The following TOR1AIP2 variants were observed in gnomAD, a reference collection of about 807,000 sequenced individuals.
The protein encoded by TOR1AIP2 is torsin 1A interacting protein 2.
TOR1AIP2 carries 20 observed loss-of-function variants against 32.6 expected under a neutral mutation model. That is an observed-to-expected ratio of 0.61 (90% CI 0.43 to 0.89). The LOEUF is 0.89. Ranked by LOEUF, TOR1AIP2 falls within the 40% of genes least tolerant of loss-of-function variation. TOR1AIP2 has a pLI of 0.00. For missense variants in TOR1AIP2, 456 were observed against 553.8 expected (o/e 0.82, Z 1.77); for synonymous variants, 214 against 210.8 (o/e 1.02, Z -0.13).
intron 3 of TOR1AIP2, chr1:179,865,154 C>A: frequency 1.2e-6 from 2 of 1,607,840 alleles, no homozygotes; most frequent in South Asian, 1.1e-5. Flanking sequence ...ACAATCAGGG[C>A]AATGTGAATT....
chr1:179,874,862 A>T (rs547756035), intron 2 of TOR1AIP2: 1 of 152,258 alleles, frequency 6.6e-6, no homozygotes, highest in South Asian at 2.1e-4. Flanking sequence ...AATATGACCT[A>T]ACATCCATAA....
intron 3 of TOR1AIP2, chr1:179,859,104 T>C (rs1696414792): frequency 1.0e-6 from 1 of 985,140 alleles, no homozygotes; most frequent in South Asian, 4.7e-5. Context: ...GCTCTAGGGA[T>C]AAAAAGAAAC....
At chr1:179,872,768 G>A (rs1384182627) in intron 2 of TOR1AIP2, among the ~76,000 whole-genome samples, 3 of 152,140 alleles carry the variant, frequency 2.0e-5, no homozygotes, top group Non-Finnish European at 2.9e-5. Context: ...AGCTATGCAC[G>A]AAGGATCTAA....
At chr1:179,859,018 T>C in intron 3 of TOR1AIP2, 1 of 980,186 alleles carries the variant, frequency 1.0e-6, no homozygotes, top group Non-Finnish European at 1.2e-6. Context: ...GACAAATGTA[T>C]GACAGTTGGG....
intron 3 of TOR1AIP2, chr1:179,865,235 G>A: frequency 6.5e-7 from 1 of 1,526,838 alleles, no homozygotes; most frequent in Non-Finnish European, 8.8e-7. Flanking sequence ...CAGTGACAGA[G>A]AGAGACGCCC....
chr1:179,872,022 A>G (rs1201493430), intron 2 of TOR1AIP2, among the ~76,000 whole-genome samples: 4 of 152,224 alleles, frequency 2.6e-5, no homozygotes, highest in Admixed American at 2.6e-4. Context: ...ATGGATGACA[A>G]TCTTCAGTAC....
At chr1:179,864,753 G>A in intron 3 of TOR1AIP2, 1 of 1,550,464 alleles carries the variant, frequency 6.4e-7, no homozygotes, top group Non-Finnish European at 8.7e-7. Context: ...AAAGCCTCTA[G>A]ACTTGACAAT....
chr1:179,869,083 C>G (rs924045550), intron 2 of TOR1AIP2: 1 of 152,230 alleles, frequency 6.6e-6, no homozygotes, highest in Non-Finnish European at 1.5e-5. Flanking sequence ...CTCAGGTGAT[C>G]TGCCCGCCTC....
Position 179,856,812 on chromosome 1 carries a change from C to T in TOR1AIP2, c.-146-4001G>A, listed in dbSNP as rs552712813. On this transcript the variant is annotated intron_variant, in intron 3 of 6. Coordinates refer to ENST00000609928, the MANE Select transcript of TOR1AIP2 (RefSeq NM_001199260.2). Reference sequence around the variant, plus strand: ...TATTTTTAGTACACACAGCATCTCACCATGTTGCCCAGGTTGGTCTCAAAC... The same window carrying T: ...TATTTTTAGTACACACAGCATCTCATCATGTTGCCCAGGTTGGTCTCAAAC... Among the ~76,000 whole-genome samples, 9 of 152,346 alleles carry T rather than the reference C, an allele frequency of 5.9e-5. No homozygotes were observed. The South Asian group carries it at 1.9e-3, about 32-fold the overall frequency.
intron 2 of TOR1AIP2, among the ~76,000 whole-genome samples, chr1:179,867,232 C>T (rs972170898): frequency 6.6e-6 from 1 of 152,130 alleles, no homozygotes; most frequent in Non-Finnish European, 1.5e-5. Flanking sequence ...AGTCCCAGAG[C>T]GGGTGAAATA....
At chr1:179,862,662 CT>C in intron 3 of TOR1AIP2, 1 of 985,298 alleles carries the variant, frequency 1.0e-6, no homozygotes, top group African/African-American at 1.7e-5. Context: ...GGCACGGTGG[CT>C]ATGCCTGTAA....
At position 179,846,197 on chromosome 1, in the gene TOR1AIP2, A is replaced by G. The variant is rs1376368364; in HGVS notation, c.1287T>C (p.Ser429=). The G allele has an allele frequency of 6.2e-7, 1 of 1,614,206 alleles. No individual in the cohort carries two copies. The highest frequency in any genetic ancestry group is 1.3e-5 in the African/African-American group (1 of 75,048). The change falls in exon 7 of 7, where the codon TCT becomes TCC. Residue 429 remains serine (S), a synonymous_variant. Transcript: ENST00000609928. The part of the protein sequence containing the change: ...RDLLWAKFTN[S]DTPTSFNHMD... ...TGTGGTTGAAGGAGGTGGGAGTGTC[A>G]GAGTTGGTAAACTTGGCCCAGAGTA... is the stretch of plus-strand genomic sequence containing the variant.
At chr1:179,848,927 G>C (rs1443675096) in intron 5 of TOR1AIP2, among the ~76,000 whole-genome samples, 2 of 151,896 alleles carry the variant, frequency 1.3e-5, no homozygotes, top group Admixed American at 6.6e-5. Flanking sequence ...TCAGGAGATC[G>C]AGACCATCCT....
At chr1:179,865,222 C>G (rs774998460) in intron 3 of TOR1AIP2, 3 of 1,543,416 alleles carry the variant, frequency 1.9e-6, no homozygotes, top group Non-Finnish European at 2.6e-6. Context: ...CAGCAAGAGA[C>G]AACAGTGACA....
intron 2 of TOR1AIP2, chr1:179,876,047 G>A (rs1042390538): frequency 3.9e-5 from 6 of 152,032 alleles, no homozygotes; most frequent in Non-Finnish European, 8.8e-5. Context: ...GGAAGTTGTC[G>A]AATCTCCAAG....
At chr1:179,851,808 G>A (rs1571663146) in intron 4 of TOR1AIP2, among the ~76,000 whole-genome samples, 1 of 152,180 alleles carries the variant, frequency 6.6e-6, no homozygotes, top group South Asian at 2.1e-4. Flanking sequence ...GCAGTAAGAA[G>A]TACTCTAGAC....
At chr1:179,861,656 T>C in intron 3 of TOR1AIP2, 1 of 985,468 alleles carries the variant, frequency 1.0e-6, no homozygotes, top group South Asian at 4.7e-5. Context: ...TTATTAACAG[T>C]GATCTTCAGT....
rs536364799 is a variant in TOR1AIP2, at chr1:179,840,122, A to G, written c.*5949T>C. 2.0e-5 allele frequency: 3 copies of G among 152,160 alleles called. No individual in the cohort carries two copies. Among genetic ancestry groups the G allele is most frequent in the South Asian group, 4.1e-4 (2 of 4,830 alleles). 9.4% of individuals were successfully genotyped at this position (152,160 alleles called of 1,614,324 possible). On this transcript the variant is annotated 3_prime_UTR_variant, in exon 7 of 7. Transcript: ENST00000609928. ...GGACGTTAGTATTGGCAAAGCACAC[A>G]TATTTTTTGTTAAGCACAAATAAGC...
At chr1:179,859,007 T>C (rs976413592) in intron 3 of TOR1AIP2, 2 of 977,684 alleles carry the variant, frequency 2.0e-6, no homozygotes, top group Non-Finnish European at 2.4e-6. Flanking sequence ...AATGCCATCA[T>C]GACAAATGTA....
Sources: allele counts gnomAD v4.1 joint callset (sites outside exome capture counted in the v4.1 genomes callset), GRCh38; gene constraint gnomAD v4.1.1; transcripts MANE v1.5; gene names NCBI Gene and HGNC (gene_info 2026-07-23, HGNC 2026-07-21).